Variants in AKIRIN1 observed in about 807,000 individuals in gnomAD.
The protein encoded by AKIRIN1 is akirin-1.
AKIRIN1 carries 4 observed loss-of-function variants against 25.9 expected under a neutral mutation model. The ratio of observed to expected loss-of-function variants is 0.15; its 90% CI spans 0.08 to 0.35. AKIRIN1 has a LOEUF of 0.35. Ranked by LOEUF, AKIRIN1 falls within the 10% of genes least tolerant of loss-of-function variation. The pLI is 1.00. For synonymous variants in AKIRIN1, 125 were observed against 105.1 expected (o/e 1.19, Z -1.16); for missense variants, 243 against 266.1 (o/e 0.91, Z 0.61).
At chr1:39,003,212 T>TA in intron 3 of AKIRIN1, 135 bp from the exon 4 acceptor site, 1 of 785,928 alleles carries the variant, frequency 1.3e-6, no homozygotes, top group Non-Finnish European at 2.1e-6. Context: ...CACTGGACTT[T>TA]AATACAAGGA....
rs1027044311 is a variant in AKIRIN1 at position 38,991,443 on chromosome 1, C to T, written c.63C>T (p.Gly21=). 1.5e-6 allele frequency: 2 copies of T among 1,371,010 alleles called. No homozygotes were observed. The highest frequency in any genetic ancestry group is 1.9e-6 in the Non-Finnish European group (2 of 1,066,918). 84.9% of individuals were successfully genotyped at this position (1,371,010 alleles called of 1,614,324 possible). The part of the protein sequence containing the change: ...MEFEAALLSP[G]SPKRRRCAPL... ...TCGAGGCGGCGCTGCTGAGCCCCGGCTCCCCGAAGCGGCGGCGCTGCGCCC... is the reference window on the plus strand; with the variant it reads ...TCGAGGCGGCGCTGCTGAGCCCCGGTTCCCCGAAGCGGCGGCGCTGCGCCC... Residue 21 remains glycine (G), a synonymous_variant, in exon 1 of 5, where the codon GGC becomes GGT. Coordinates refer to ENST00000432648, the MANE Select transcript of AKIRIN1 (RefSeq NM_024595.3).
chr1:38,997,208 CAAAG>C (rs1010925866), intron 1 of AKIRIN1, among the ~76,000 whole-genome samples: 5 of 152,014 alleles, frequency 3.3e-5, no homozygotes, highest in East Asian at 1.9e-4. Context: ...TAGGTACAAA[CAAAG>C]AACTTGAAAA....
intron 1 of AKIRIN1, among the ~76,000 whole-genome samples, chr1:38,995,561 T>A (rs929850258): frequency 6.6e-6 from 1 of 152,254 alleles, no homozygotes; most frequent in Non-Finnish European, 1.5e-5. Flanking sequence ...TTCTTGGACT[T>A]CTTAGTCCTA....
chr1:38,991,633 C>T (rs1456764695), intron 1 of AKIRIN1, 33 bp downstream of exon 1: 2 of 1,232,422 alleles, frequency 1.6e-6, no homozygotes, highest in Non-Finnish European at 2.0e-6. Context: ...TGGCAGGAAG[C>T]CAGGCCCAGG....
intron 1 of AKIRIN1, among the ~76,000 whole-genome samples, chr1:38,993,646 A>G (rs969160072): frequency 1.6e-4 from 24 of 150,586 alleles, no homozygotes; most frequent in African/African-American, 2.9e-4. Context: ...AAAAAAAAAA[A>G]AGAGAATGTG....
At chr1:38,991,677 G>GTGGGC in intron 1 of AKIRIN1, 77 bp downstream of exon 1, 5 of 192,414 alleles carry the variant, frequency 2.6e-5, no homozygotes, top group Non-Finnish European at 4.3e-5. Context: ...GGAGGGTTGG[G>GTGGGC]AATACCAGGC....
intron 2 of AKIRIN1, 120 bp from the exon 3 acceptor site, chr1:39,000,852 C>T: frequency 7.9e-6 from 9 of 1,140,208 alleles, no homozygotes; most frequent in South Asian, 1.7e-5. Flanking sequence ...GACTGGGTTT[C>T]TCCACGTTGT....
In AKIRIN1 at chr1:38,998,279, ACTC is replaced by A. The variant is rs1557642160; in HGVS notation, c.333_335del (p.Ser112del). The A allele has an allele frequency of 6.2e-7, 1 of 1,613,126 alleles. No homozygotes were observed. Among genetic ancestry groups the A allele is most frequent in the South Asian group, 1.1e-5 (1 of 90,828 alleles). ...GCTTGTGCTTCGGAAAGTCAACCTC[ACTC>A]CTCAGCACTCACAGCACCTAGCTCT... is the stretch of plus-strand genomic sequence containing the variant. On this transcript the variant is annotated inframe_deletion, in exon 2 of 5. Transcript: ENST00000432648.
chr1:38,994,373 G>A (rs1030920883), intron 1 of AKIRIN1, among the ~76,000 whole-genome samples: 3 of 152,194 alleles, frequency 2.0e-5, no homozygotes, highest in Admixed American at 6.5e-5. Flanking sequence ...TGAGTGCTAG[G>A]TGAATTCCAG....
intron 1 of AKIRIN1, among the ~76,000 whole-genome samples, chr1:38,991,875 G>T (rs975423314): frequency 1.4e-4 from 22 of 152,070 alleles, no homozygotes; most frequent in Admixed American, 1.2e-3. Flanking sequence ...ACCTCTGGCC[G>T]CTCCGGGCCC....
chr1:38,996,487 G>A (rs1643949050), intron 1 of AKIRIN1, among the ~76,000 whole-genome samples: 1 of 151,896 alleles, frequency 6.6e-6, no homozygotes, highest in Admixed American at 6.6e-5. Flanking sequence ...ACAGGCATGA[G>A]CCACAGTGCC....
At chr1:39,000,550 A>G (rs368728892) in intron 2 of AKIRIN1, among the ~76,000 whole-genome samples, 13 of 150,932 alleles carry the variant, frequency 8.6e-5, no homozygotes, top group African/African-American at 3.2e-4. Context: ...GGGTTTCTCC[A>G]TGTTGGTCAG....
intron 2 of AKIRIN1, among the ~76,000 whole-genome samples, chr1:38,998,625 C>T (rs933163597): frequency 2.6e-5 from 4 of 151,982 alleles, no homozygotes; most frequent in Admixed American, 6.6e-5. Context: ...AAATTTTGGC[C>T]GGCTGAGGTG....
Position 38,991,325 on chromosome 1 carries a change from C to A in AKIRIN1, c.-56C>A, listed in dbSNP as rs1459890277. The stretch of plus-strand genomic sequence containing the variant: ...TTGGCTGGCGAGCCCGGCTGAGGAG[C>A]CTCTTGGGCCGCACTTACCGCCGCG... On this transcript the variant is annotated 5_prime_UTR_variant, in exon 1 of 5. Transcript: ENST00000432648. 11 of 1,292,508 alleles carry A rather than the reference C, an allele frequency of 8.5e-6. No individual in the cohort carries two copies. The highest frequency in any genetic ancestry group is 2.1e-5 in the South Asian group (1 of 47,690). The allele number at this position is 1,292,508 out of a possible 1,614,324, so 80.1% of individuals were successfully genotyped here. A position where few individuals can be genotyped will look rare whatever the true frequency, so the allele number is the denominator to read the frequency against.
chr1:38,996,620 C>T (rs767770456), intron 1 of AKIRIN1, among the ~76,000 whole-genome samples: 1 of 152,098 alleles, frequency 6.6e-6, no homozygotes, highest in Non-Finnish European at 1.5e-5. Flanking sequence ...ACCTCCACCT[C>T]CCCGGTTCAA....
At chr1:38,993,470 A>G (rs1643924076) in intron 1 of AKIRIN1, among the ~76,000 whole-genome samples, 1 of 151,826 alleles carries the variant, frequency 6.6e-6, no homozygotes, top group Non-Finnish European at 1.5e-5. Context: ...AAAAAAAAAA[A>G]GTTATTTTTG....
At position 39,004,446 on chromosome 1, in the gene AKIRIN1, A is replaced by G. The variant is rs1343135075; in HGVS notation, c.*391A>G. ...TTTAAGTTATTATTTGTATTGTGCA[A>G]AAATTTTTTTTTGATCTTGGGGATT... On this transcript the variant is annotated 3_prime_UTR_variant, in exon 5 of 5. Coordinates refer to ENST00000432648, the MANE Select transcript of AKIRIN1 (RefSeq NM_024595.3). The G allele has an allele frequency of 1.0e-5, 3 of 291,826 alleles. No homozygotes were observed. Among genetic ancestry groups the G allele is most frequent in the Non-Finnish European group, 2.0e-5 (3 of 151,576 alleles). The allele number at this position is 291,826 out of a possible 1,614,324, so 18.1% of individuals were successfully genotyped here.
chr1:38,998,295 A>G lies in AKIRIN1; in HGVS notation c.345A>G (p.Thr115=), dbSNP rs1197853873. ...GTCAACCTCACTCCTCAGCACTCAC[A>G]GCACCTAGCTCTCCAGGTAAGCCCA... ...SESQPHSSAL[T]APSSPGSSWM... Residue 115 remains threonine, a synonymous_variant, in exon 2 of 5, where the codon ACA becomes ACG. Coordinates refer to ENST00000432648, the MANE Select transcript of AKIRIN1 (RefSeq NM_024595.3). The G allele has an allele frequency of 1.2e-6, 2 of 1,610,506 alleles. No individual in the cohort carries two copies. Among genetic ancestry groups the G allele is most frequent in the Admixed American group, 1.7e-5 (1 of 59,380 alleles).
chr1:39,003,055 T>G (rs182380273), intron 3 of AKIRIN1, among the ~76,000 whole-genome samples: 1 of 152,302 alleles, frequency 6.6e-6, no homozygotes, highest in East Asian at 1.9e-4. Context: ...GCTATGGTAG[T>G]GAGCTATTAA....
Sources: allele counts gnomAD v4.1 joint callset (sites outside exome capture counted in the v4.1 genomes callset), GRCh38; gene constraint gnomAD v4.1.1; transcripts MANE v1.5; gene names NCBI Gene and HGNC (gene_info 2026-07-23, HGNC 2026-07-21).